The following CELF2 variants were observed in gnomAD, a reference collection of about 807,000 sequenced individuals.
The protein encoded by CELF2 is CUG triplet repeat RNA-binding protein 2.
A neutral mutation model predicts 62.6 loss-of-function variants in CELF2; 8 were observed. The ratio of observed to expected loss-of-function variants is 0.13; its 90% CI spans 0.07 to 0.23. The LOEUF is 0.23. Among genes scored for constraint, CELF2 ranks in the 10% least tolerant of loss-of-function variants. CELF2 has a pLI of 1.00. For synonymous variants in CELF2, 258 were observed against 250.0 expected, an observed-to-expected ratio of 1.03 and a Z score of -0.30; for missense variants, 333 against 671.0, an observed-to-expected ratio of 0.50 and a Z score of 5.56.
rs776821842 is a variant in CELF2, at chr10:11,314,191, C to G, written c.1029C>G (p.Thr343=). The G allele has an allele frequency of 6.2e-7, 1 of 1,614,014 alleles. No homozygotes were observed. The highest frequency in any genetic ancestry group is 8.5e-7 in the Non-Finnish European group (1 of 1,179,900). The stretch of plus-strand genomic sequence containing the variant: ...CTGGTGCAGCCATGAACTCCTTGAC[C>G]TCTCTCGGGACTCTGCAAGGACTGG... ...STAGAAMNSL[T]SLGTLQGLAG... The change falls in exon 10 of 13, where the codon ACC becomes ACG. Residue 343 remains threonine, a synonymous_variant. Transcript: ENST00000633077. This position sits in a 1 kb window ranked among gnomAD's most constrained non-coding sequence, Gnocchi z 5.3.
chr10:10,776,626 T>G, the CELF2 span: 1 of 167,396 alleles, frequency 6.0e-6, no homozygotes, highest in African/African-American at 2.4e-5. Flanking sequence ...CATGGGTATT[T>G]GGATTCACTT....
At chr10:11,089,915 T>C (rs375040219) in intron 1 of CELF2, among the ~76,000 whole-genome samples, 19 of 152,222 alleles carry the variant, frequency 1.2e-4, no homozygotes, top group African/African-American at 4.3e-4. Flanking sequence ...AGTGAACTCA[T>C]GGAGAAACAG....
At chr10:11,130,164 T>C (rs2059401861) in intron 1 of CELF2, among the ~76,000 whole-genome samples, 1 of 152,232 alleles carries the variant, frequency 6.6e-6, no homozygotes, top group Non-Finnish European at 1.5e-5. Flanking sequence ...TTGTTCAATT[T>C]CCATGTAGTT....
At chr10:11,087,925 G>A (rs1225133664) in intron 1 of CELF2, among the ~76,000 whole-genome samples, 1 of 152,200 alleles carries the variant, frequency 6.6e-6, no homozygotes, top group Non-Finnish European at 1.5e-5. Context: ...CTTAAATGTT[G>A]GAGTAGAAGA....
rs138051338 is a variant in CELF2, at chr10:11,296,645, G to A, written c.976+8093G>A. 1.4e-4 allele frequency among the ~76,000 whole-genome samples: 21 copies of A among 152,194 alleles called. No homozygotes were observed. The highest frequency in any genetic ancestry group is 3.9e-4 in the East Asian group (2 of 5,186). Reference sequence around the variant, plus strand: ...AGATGTGGTTTAATCCCGAGAACCCGTCACCATCAACTAGATGCATTGGCC... The same window carrying A: ...AGATGTGGTTTAATCCCGAGAACCCATCACCATCAACTAGATGCATTGGCC... On this transcript the variant is annotated intron_variant, in intron 9 of 12. Transcript: ENST00000633077. This position sits in a 1 kb window ranked among gnomAD's most constrained non-coding sequence, Gnocchi z 5.0.
the CELF2 span, among the ~76,000 whole-genome samples, chr10:10,739,010 A>G: frequency 2.6e-5 from 4 of 152,176 alleles, no homozygotes; most frequent in Admixed American, 6.5e-5. Flanking sequence ...CTTTTCTGTA[A>G]ATCTACAACT....
the CELF2 span, among the ~76,000 whole-genome samples, chr10:10,680,925 A>G: frequency 3.5e-4 from 54 of 152,238 alleles, no homozygotes; most frequent in Non-Finnish European, 7.2e-4. Flanking sequence ...TAAATGCTTA[A>G]GTATTATTTG....
At chr10:11,152,244 TGGAC>T in intron 1 of CELF2, among the ~76,000 whole-genome samples, 1 of 152,306 alleles carries the variant, frequency 6.6e-6, no homozygotes, top group African/African-American at 2.4e-5. Context: ...GGACCAAGTT[TGGAC>T]AGAAAGAAAA....
chr10:11,162,033 T>C (rs1046399801), intron 1 of CELF2, among the ~76,000 whole-genome samples: 1 of 152,224 alleles, frequency 6.6e-6, no homozygotes, highest in East Asian at 1.9e-4. Flanking sequence ...CAGGATTCAT[T>C]TGGGTGGATG....
In CELF2 at chr10:11,103,129, C is replaced by A. The variant is rs896967785; in HGVS notation, c.75-62357C>A. 2.0e-5 allele frequency among the ~76,000 whole-genome samples: 3 copies of A among 152,284 alleles called. No individual in the cohort carries two copies. The East Asian group carries it at 5.8e-4, about 29-fold the overall frequency. On this transcript the variant is annotated intron_variant, in intron 1 of 12. Transcript: ENST00000633077. Reference sequence around the variant, plus strand: ...TGCGGCTGCAATCTCCCTTTTCCAACCTCTTGTTGAGTGACTTCTGTACAT... The same window carrying A: ...TGCGGCTGCAATCTCCCTTTTCCAAACTCTTGTTGAGTGACTTCTGTACAT...
the CELF2 span, among the ~76,000 whole-genome samples, chr10:10,517,213 G>A: frequency 6.6e-6 from 1 of 152,048 alleles, no homozygotes; most frequent in Non-Finnish European, 1.5e-5. Flanking sequence ...GCATTCAATC[G>A]CTATAGCTTG....
the CELF2 span, among the ~76,000 whole-genome samples, chr10:10,523,251 T>C: frequency 6.6e-6 from 1 of 152,202 alleles, no homozygotes; most frequent in African/African-American, 2.4e-5. Flanking sequence ...TTAATGTAAG[T>C]TAGGAGGTTA....
intron 2 of CELF2, among the ~76,000 whole-genome samples, chr10:10,943,220 A>G (rs1031353357): frequency 6.6e-5 from 10 of 152,170 alleles, no homozygotes; most frequent in African/African-American, 2.2e-4. Context: ...CTTCCTGGCA[A>G]TACTTGTCTC....
chr10:10,808,376 G>A (rs566651973), intron 1 of CELF2, among the ~76,000 whole-genome samples: 182 of 152,144 alleles, frequency 1.2e-3, no homozygotes, highest in African/African-American at 1.9e-3. Context: ...TTTCCACCTC[G>A]CAAGTAAATT....
the CELF2 span, among the ~76,000 whole-genome samples, chr10:10,723,635 C>A: frequency 6.6e-6 from 1 of 152,034 alleles, no homozygotes; most frequent in Admixed American, 6.6e-5. Flanking sequence ...AACTCCACCA[C>A]TTGTATGGAA....
At chr10:10,892,651 T>C (rs1158142458) in intron 1 of CELF2, among the ~76,000 whole-genome samples, 3 of 152,244 alleles carry the variant, frequency 2.0e-5, no homozygotes, top group South Asian at 2.1e-4. Context: ...TAAGTTCCCA[T>C]TGTGATTTGA....
intron 1 of CELF2, among the ~76,000 whole-genome samples, chr10:11,028,267 C>T (rs937693547): frequency 1.3e-5 from 2 of 152,020 alleles, no homozygotes; most frequent in African/African-American, 2.4e-5. Context: ...TCCACGTGGT[C>T]CTTCTGAAAA....
chr10:10,546,015 C>A, the CELF2 span, among the ~76,000 whole-genome samples: 2 of 152,130 alleles, frequency 1.3e-5, no homozygotes, highest in East Asian at 1.9e-4. Flanking sequence ...GTTCAGAGAA[C>A]AGCCTTGTGC....
chr10:10,469,046 A>G, the CELF2 span, among the ~76,000 whole-genome samples: 1 of 151,940 alleles, frequency 6.6e-6, no homozygotes, highest in Non-Finnish European at 1.5e-5. Context: ...TTTTCATAAT[A>G]TGCATTTTTC....
Sources: gnomAD v4.1 joint callset for allele counts (sites outside exome capture counted in the v4.1 genomes callset) on GRCh38, gnomAD v4.1.1 for gene constraint, Gnocchi (gnomAD v3.1) non-coding constraint, MANE v1.5 for transcripts, NCBI Gene and HGNC (gene_info 2026-07-23, HGNC 2026-07-21) for gene names.